Variants in NRG1 observed in about 807,000 individuals in gnomAD.
The protein encoded by NRG1 is neuregulin 1, also known as pro-neuregulin-1, membrane-bound isoform.
Under a neutral mutation model 63.8 loss-of-function variants are expected in NRG1, and 18 were observed. That is an observed-to-expected ratio of 0.28 (90% confidence interval 0.19 to 0.42). NRG1 has a LOEUF of 0.42. NRG1 is among the 10% of genes least tolerant of loss of function. NRG1 has a pLI of 1.00. For missense variants in NRG1, 762 were observed against 814.7 expected, an observed-to-expected ratio of 0.94 and a Z score of 0.79; for synonymous variants, 302 against 301.3, an observed-to-expected ratio of 1.00 and a Z score of -0.02.
chr8:32,015,709 C>A (rs1264289512), intron 1 of NRG1, among the ~76,000 whole-genome samples: 1 of 152,068 alleles, frequency 6.6e-6, no homozygotes, highest in Admixed American at 6.6e-5. Flanking sequence ...AACAGCTATG[C>A]CTCATTTTCA....
chr8:32,372,609 G>C (rs552845437), intron 1 of NRG1, among the ~76,000 whole-genome samples: 30 of 152,190 alleles, frequency 2.0e-4, no homozygotes, highest in Non-Finnish European at 4.3e-4. Flanking sequence ...GAAGGCAATG[G>C]ACACAACAGT....
rs935203969 is a variant in NRG1, at chr8:32,351,179, A to T, written c.38-244649A>T. ...CAGGGCTGGTCTCCCTGCACTTCTCACTTTCACACCTACATACTCATACCC... is the reference window on the plus strand; with the variant it reads ...CAGGGCTGGTCTCCCTGCACTTCTCTCTTTCACACCTACATACTCATACCC... On this transcript the variant is annotated intron_variant, in intron 1 of 10. Transcript: ENST00000519301. Among the ~76,000 whole-genome samples, 6 of 150,680 alleles carry T rather than the reference A, an allele frequency of 4.0e-5. No homozygotes were observed. In the East Asian group the frequency reaches 9.7e-4, roughly 24 times the overall value.
intron 1 of NRG1, among the ~76,000 whole-genome samples, chr8:32,025,827 A>C (rs528743115): frequency 6.1e-4 from 92 of 151,090 alleles, no homozygotes; most frequent in Admixed American, 1.3e-3. Flanking sequence ...GGGCGCCTGT[A>C]GTCCCAGCTA....
At chr8:32,630,196 G>T (rs949297905) in intron 5 of NRG1, among the ~76,000 whole-genome samples, 2 of 151,980 alleles carry the variant, frequency 1.3e-5, no homozygotes, top group African/African-American at 2.4e-5. Flanking sequence ...TAGTCTAAAG[G>T]GCAAATGATA....
rs78164661 is a variant in NRG1, at chr8:31,758,796, C to T, written c.37+119365C>T. On this transcript the variant is annotated intron_variant, in intron 1 of 10. Coordinates refer to the NRG1 transcript ENST00000519301. Reference sequence around the variant, plus strand: ...CTTGAGTGAGTACTTAGAAATGGGACGGCTAGAGCATAAGCTAGGTGCATA... The same window carrying T: ...CTTGAGTGAGTACTTAGAAATGGGATGGCTAGAGCATAAGCTAGGTGCATA... Among the ~76,000 whole-genome samples the T allele has an allele frequency of 5.5e-3, 837 of 152,154 alleles. 35 individuals carry two copies. In the East Asian group the frequency reaches 0.083, roughly 15 times the overall value.
intron 2 of NRG1, among the ~76,000 whole-genome samples, chr8:32,597,519 A>G (rs943956481): frequency 5.3e-5 from 8 of 152,158 alleles, no homozygotes; most frequent in Non-Finnish European, 1.0e-4. Context: ...GATACAAAAT[A>G]TAATACTGTA....
At chr8:32,448,181 C>T (rs781307520) in intron 1 of NRG1, among the ~76,000 whole-genome samples, 47 of 152,114 alleles carry the variant, frequency 3.1e-4, no homozygotes, top group Non-Finnish European at 4.4e-4. Context: ...TTTAATATCA[C>T]CTAAATCTAA....
intron 5 of NRG1, among the ~76,000 whole-genome samples, chr8:32,656,544 A>G (rs1221962643): frequency 1.3e-5 from 2 of 152,182 alleles, no homozygotes. Flanking sequence ...AGTTTGTAAG[A>G]GCTTGCCATT....
At chr8:32,356,474 ACC>A (rs11426642) in intron 1 of NRG1, among the ~76,000 whole-genome samples, 2 of 69,334 alleles carry the variant, frequency 2.9e-5, no homozygotes, top group East Asian at 5.7e-4. Flanking sequence ...CCTTGTTGGG[ACC>A]CCCCCCCCAC....
At chr8:32,020,987 C>T (rs1418997770) in intron 1 of NRG1, among the ~76,000 whole-genome samples, 1 of 152,084 alleles carries the variant, frequency 6.6e-6, no homozygotes, top group African/African-American at 2.4e-5. Context: ...AGCATAATGC[C>T]TTGTCTCAAT....
At chr8:31,672,376 T>C (rs981622981) in intron 1 of NRG1, among the ~76,000 whole-genome samples, 4 of 152,150 alleles carry the variant, frequency 2.6e-5, no homozygotes, top group African/African-American at 9.7e-5. Context: ...GTCATATTCA[T>C]TTAACAAAGA....
intron 1 of NRG1, among the ~76,000 whole-genome samples, chr8:31,920,983 C>G (rs1380726420): frequency 1.3e-5 from 2 of 152,066 alleles, no homozygotes; most frequent in Non-Finnish European, 2.9e-5. Flanking sequence ...TTCTATTGTA[C>G]TATCTATGCT....
intron 5 of NRG1, among the ~76,000 whole-genome samples, chr8:32,656,177 CTAAA>C (rs1801448542): frequency 6.6e-6 from 1 of 151,784 alleles, no homozygotes; most frequent in Non-Finnish European, 1.5e-5. Context: ...ATATAATATT[CTAAA>C]TAAAGGGGAA....
At chr8:32,750,577 A>ACAGCTGCTGCCTTCTTTTG (rs1828503215) in intron 7 of NRG1, among the ~76,000 whole-genome samples, 1 of 152,102 alleles carries the variant, frequency 6.6e-6, no homozygotes, top group African/African-American at 2.4e-5. Context: ...GGGGCATCCT[A>ACAGCTGCTGCCTTCTTTTG]CAGCTGCTGC....
At chr8:32,222,567 C>A (rs1282427333) in intron 1 of NRG1, among the ~76,000 whole-genome samples, 1 of 152,108 alleles carries the variant, frequency 6.6e-6, no homozygotes, top group East Asian at 1.9e-4. Context: ...CCAGTTACAC[C>A]CAGGGCAAGT....
At chr8:32,639,386 A>T (rs2129545424) in intron 5 of NRG1, among the ~76,000 whole-genome samples, 1 of 152,334 alleles carries the variant, frequency 6.6e-6, no homozygotes, top group Admixed American at 6.5e-5. Context: ...AGCCTAAGCG[A>T]CAGAGCAAGA....
intron 1 of NRG1, among the ~76,000 whole-genome samples, chr8:32,364,091 T>C (rs1753913872): frequency 6.7e-6 from 1 of 148,618 alleles, no homozygotes; most frequent in South Asian, 2.1e-4. Context: ...TTTTTTTTTT[T>C]TTTTTTTTGC....
intron 1 of NRG1, among the ~76,000 whole-genome samples, chr8:32,213,999 T>C (rs1004909149): frequency 1.3e-5 from 2 of 152,156 alleles, no homozygotes; most frequent in East Asian, 1.9e-4. Flanking sequence ...AGCAAATATA[T>C]GGGAAACCTA....
intron 1 of NRG1, among the ~76,000 whole-genome samples, chr8:32,589,151 CAA>C (rs1485756764): frequency 2.0e-5 from 3 of 152,202 alleles, no homozygotes; most frequent in Non-Finnish European, 4.4e-5. Flanking sequence ...TTTGATAAGA[CAA>C]ACTTTCCCTT....
Sources: allele counts gnomAD v4.1 joint callset (sites outside exome capture counted in the v4.1 genomes callset), GRCh38; gene constraint gnomAD v4.1.1; transcripts MANE v1.5; gene names NCBI Gene and HGNC (gene_info 2026-07-23, HGNC 2026-07-21).